Variants in GNG4 observed in about 807,000 individuals in gnomAD.
The protein encoded by GNG4 is G protein subunit gamma 4.
A neutral mutation model predicts 5.8 loss-of-function variants in GNG4; 4 were observed. The observed-to-expected ratio is 0.69, with a 90% CI of 0.34 to 1.57. The LOEUF (loss-of-function observed/expected upper bound fraction) is 1.57, where lower values mean the gene tolerates loss of function less well. GNG4 is among the 40% of genes most tolerant of loss of function. GNG4 has a pLI of 0.06. For synonymous variants in GNG4, 29 were observed against 32.9 expected (o/e 0.88, Z 0.41); for missense variants, 96 against 95.1 (o/e 1.01, Z -0.04).
In GNG4 at chr1:235,548,850, T is replaced by A. The variant is rs964728247; in HGVS notation, c.*3259A>T. ...CCACTGACAGAGTGGGGGAGCTCAG[T>A]GACATGTCTGTGGATCTCACAGCTC... On this transcript the variant is annotated 3_prime_UTR_variant, in exon 4 of 4. Transcript: ENST00000391854. 5 of 152,352 alleles carry A rather than the reference T, an allele frequency of 3.3e-5. No homozygotes were observed. The East Asian group carries it at 9.6e-4, about 29-fold the overall frequency. 9.4% of individuals were successfully genotyped at this position (152,352 alleles called of 1,614,324 possible).
At chr1:235,582,804 C>T (rs1292656760) in intron 3 of GNG4, among the ~76,000 whole-genome samples, 1 of 152,158 alleles carries the variant, frequency 6.6e-6, no homozygotes, top group African/African-American at 2.4e-5. Context: ...TTCATATACC[C>T]TCATGTAACT....
intron 3 of GNG4, among the ~76,000 whole-genome samples, chr1:235,578,688 C>T (rs77374228): frequency 1.5e-3 from 226 of 152,294 alleles, no homozygotes; most frequent in African/African-American, 5.1e-3. Context: ...ACAAATACTG[C>T]ATGATCTCAC....
At chr1:235,638,125 G>A (rs1009810716) in intron 1 of GNG4, among the ~76,000 whole-genome samples, 3 of 152,196 alleles carry the variant, frequency 2.0e-5, no homozygotes, top group East Asian at 3.8e-4. Flanking sequence ...CCTTCCAGGC[G>A]GGAGGAACAG....
At chr1:235,571,398 G>T (rs1687338292) in intron 3 of GNG4, among the ~76,000 whole-genome samples, 1 of 152,146 alleles carries the variant, frequency 6.6e-6, no homozygotes. Context: ...ATATAACAGA[G>T]TACCCACTTC....
At chr1:235,606,408 A>G (rs1688361483) in intron 1 of GNG4, among the ~76,000 whole-genome samples, 1 of 152,052 alleles carries the variant, frequency 6.6e-6, no homozygotes. Flanking sequence ...AAACAGACCA[A>G]TGAGGAAACC....
rs1340416943 is a variant in GNG4, at chr1:235,619,190, T to TAC, written c.-122-23680_-122-23679insGT. 1.2e-3 allele frequency among the ~76,000 whole-genome samples: 116 copies of TAC among 94,418 alleles called. 1 individual carries two copies. The highest frequency in any genetic ancestry group is 5.7e-3 in the African/African-American group (110 of 19,360). 61.9% of individuals were successfully genotyped at this position (94,418 alleles called of 152,430 possible). On this transcript the variant is annotated intron_variant, in intron 1 of 3. Transcript: ENST00000391854. ...ATATATATATATACACACACATATA[T>TAC]ATACACACACACATATATATATATA...
chr1:235,583,229 G>T (rs932938705), intron 3 of GNG4, among the ~76,000 whole-genome samples: 1 of 152,190 alleles, frequency 6.6e-6, no homozygotes, highest in East Asian at 1.9e-4. Flanking sequence ...TCTTGCTGCA[G>T]TCCTCCCAGC....
intron 2 of GNG4, among the ~76,000 whole-genome samples, chr1:235,585,228 T>TTCCCC (rs1321784530): frequency 4.0e-5 from 6 of 151,668 alleles, no homozygotes; most frequent in Admixed American, 2.6e-4. Flanking sequence ...TTTCCTTTCC[T>TTCCCC]TCCCCTTCCC....
intron 2 of GNG4, among the ~76,000 whole-genome samples, chr1:235,593,189 T>C (rs1688022098): frequency 6.6e-6 from 1 of 152,150 alleles, no homozygotes; most frequent in South Asian, 2.1e-4. Flanking sequence ...CCTCAGGTCA[T>C]CCACCCGTCT....
intron 1 of GNG4, among the ~76,000 whole-genome samples, chr1:235,628,492 T>G (rs1386593652): frequency 6.6e-6 from 1 of 151,816 alleles, no homozygotes; most frequent in Non-Finnish European, 1.5e-5. Flanking sequence ...GGCAGTCTTG[T>G]GGAGAGTTTT....
At chr1:235,603,655 G>A (rs1688300658) in intron 1 of GNG4, among the ~76,000 whole-genome samples, 1 of 152,186 alleles carries the variant, frequency 6.6e-6, no homozygotes, top group Admixed American at 6.5e-5. Context: ...TACATCTTGA[G>A]TGCCCGATAG....
At chr1:235,560,940 G>C (rs1431373863) in intron 3 of GNG4, among the ~76,000 whole-genome samples, 1 of 152,162 alleles carries the variant, frequency 6.6e-6, no homozygotes, top group African/African-American at 2.4e-5. Context: ...ACATGATGTT[G>C]AACATGTTTT....
chr1:235,574,116 A>C (rs1471138369), intron 3 of GNG4, among the ~76,000 whole-genome samples: 1 of 152,204 alleles, frequency 6.6e-6, no homozygotes, highest in African/African-American at 2.4e-5. Flanking sequence ...CAAGTACCTA[A>C]TCTCAGCACT....
At chr1:235,623,274 G>T (rs1395035440) in intron 1 of GNG4, among the ~76,000 whole-genome samples, 1 of 152,136 alleles carries the variant, frequency 6.6e-6, no homozygotes, top group East Asian at 1.9e-4. Context: ...AAGGATCACA[G>T]GGTTCCCTTT....
At chr1:235,573,562 A>G (rs562372735) in intron 3 of GNG4, among the ~76,000 whole-genome samples, 79 of 152,104 alleles carry the variant, frequency 5.2e-4, no homozygotes, top group East Asian at 1.4e-3. Context: ...CGGATCACGA[A>G]GTCAGGAGAT....
chr1:235,596,189 A>AG (rs1688117748), intron 1 of GNG4, among the ~76,000 whole-genome samples: 2 of 86,720 alleles, frequency 2.3e-5, no homozygotes, highest in Non-Finnish European at 4.6e-5. Context: ...CAAAAACAAA[A>AG]CAAAAACAAA....
At chr1:235,573,709 G>A (rs932050323) in intron 3 of GNG4, among the ~76,000 whole-genome samples, 4 of 151,938 alleles carry the variant, frequency 2.6e-5, no homozygotes, top group Non-Finnish European at 4.4e-5. Flanking sequence ...CCCGAGAGGC[G>A]GAGGTTGCAG....
chr1:235,553,294 G>T, intron 3 of GNG4, among the ~76,000 whole-genome samples: 1 of 152,264 alleles, frequency 6.6e-6, no homozygotes, highest in South Asian at 2.1e-4. Flanking sequence ...TTTTGTTCAT[G>T]GTCTGTGTCA....
At chr1:235,646,182 T>C (rs1296849572) in intron 1 of GNG4, among the ~76,000 whole-genome samples, 6 of 152,106 alleles carry the variant, frequency 3.9e-5, no homozygotes, top group African/African-American at 1.2e-4. Context: ...CAGAGAGAAA[T>C]GGTTTTAGAA....
Sources: allele counts gnomAD v4.1 joint callset (sites outside exome capture counted in the v4.1 genomes callset), GRCh38; gene constraint gnomAD v4.1.1; transcripts MANE v1.5; gene names NCBI Gene and HGNC (gene_info 2026-07-23, HGNC 2026-07-21).